The following PCNX2 variants were observed in gnomAD, a reference collection of about 807,000 sequenced individuals.
PCNX2 encodes the protein pecanex 2, also known as pecanex-like protein 2.
A neutral mutation model predicts 223.8 loss-of-function variants in PCNX2; 168 were observed. That is an observed-to-expected ratio of 0.75 (90% CI 0.66 to 0.85). The LOEUF (loss-of-function observed/expected upper bound fraction) is 0.85. Among genes scored for constraint, PCNX2 ranks in the 40% least tolerant of loss-of-function variants. The probability of loss-of-function intolerance (pLI) is 0.00; values close to 1 mark genes in which losing one functional copy is unlikely to be tolerated. For synonymous variants in PCNX2, 1,006 were observed against 1,052.6 expected, an observed-to-expected ratio of 0.96 and a Z score of 0.86; for missense variants, 2,507 against 2,675.5, an observed-to-expected ratio of 0.94 and a Z score of 1.39.
intron 15 of PCNX2, among the ~76,000 whole-genome samples, chr1:233,195,956 T>A (rs985965050): frequency 1.3e-5 from 2 of 152,262 alleles, no homozygotes; most frequent in Admixed American, 6.5e-5. Context: ...ATATGACCTT[T>A]AATAGCAAAA....
chr1:233,214,116 C>G (rs1681984422), intron 12 of PCNX2, among the ~76,000 whole-genome samples: 2 of 150,992 alleles, frequency 1.3e-5, no homozygotes, highest in Non-Finnish European at 3.0e-5. Flanking sequence ...CATGAGCCAC[C>G]ATGCCTGGCC....
At chr1:233,305,800 C>T in the PCNX2 span, among the ~76,000 whole-genome samples, 1 of 152,004 alleles carries the variant, frequency 6.6e-6, no homozygotes, top group East Asian at 1.9e-4. Context: ...CAAGAATGAA[C>T]TAGAAAATAT....
chr1:233,036,084 CAAG>C (rs1184277249), intron 25 of PCNX2, among the ~76,000 whole-genome samples: 2 of 152,128 alleles, frequency 1.3e-5, no homozygotes, highest in African/African-American at 4.8e-5. Flanking sequence ...TTGTCATTTT[CAAG>C]AAGGTCACAG....
chr1:233,295,638 C>T lies in PCNX2; in HGVS notation c.-160G>A, dbSNP rs1281804972. 6 of 785,796 alleles carry T rather than the reference C, an allele frequency of 7.6e-6. No individual in the cohort carries two copies. The East Asian group carries it at 1.5e-4, about 19-fold the overall frequency. The allele number at this position is 785,796 out of a possible 1,614,324, so 48.7% of individuals were successfully genotyped here. A position where few individuals can be genotyped will look rare whatever the true frequency, so the allele number is the denominator to read the frequency against. ...GCCTCCTTCCACCCCACGTTTGAAG[C>T]TGGAGCTGCTCTTCCGCCCGGACCC... On this transcript the variant is annotated 5_prime_UTR_variant, in exon 1 of 34. Transcript: ENST00000258229. This position sits in a 1 kb window ranked among gnomAD's most constrained non-coding sequence, Gnocchi z 4.1.
intron 1 of PCNX2, among the ~76,000 whole-genome samples, chr1:233,267,094 G>A (rs567574906): frequency 5.2e-4 from 79 of 152,048 alleles, no homozygotes; most frequent in African/African-American, 1.8e-3. Flanking sequence ...CAAGGTGGGC[G>A]GATCACCTAA....
At chr1:233,251,591 G>T (rs1301318267) in intron 7 of PCNX2, among the ~76,000 whole-genome samples, 1 of 152,146 alleles carries the variant, frequency 6.6e-6, no homozygotes, top group African/African-American at 2.4e-5. Context: ...CCCTGTGGAG[G>T]CTTTCATGTA....
chr1:233,057,648 T>G (rs67834438), intron 23 of PCNX2: 31,772 of 182,982 alleles, frequency 0.17, 3,006 homozygotes, highest in African/African-American at 0.25. Context: ...GGCAGGCAGA[T>G]CATTTGAAGT....
intron 23 of PCNX2, among the ~76,000 whole-genome samples, chr1:233,066,462 C>T (rs746828368): frequency 2.4e-4 from 37 of 152,214 alleles, no homozygotes; most frequent in Non-Finnish European, 4.0e-4. Flanking sequence ...CCTCATCCAG[C>T]GAGGGCACTT....
intron 12 of PCNX2, among the ~76,000 whole-genome samples, chr1:233,213,498 G>C (rs1252318573): frequency 6.6e-6 from 1 of 152,040 alleles, no homozygotes; most frequent in Non-Finnish European, 1.5e-5. Flanking sequence ...ACTGGGAATG[G>C]GGTATACAGA....
chr1:233,210,082 T>C (rs1458999767), intron 12 of PCNX2, among the ~76,000 whole-genome samples: 1 of 152,230 alleles, frequency 6.6e-6, no homozygotes, highest in Non-Finnish European at 1.5e-5. Flanking sequence ...AAGTCTGAGA[T>C]AGTATTTTGA....
chr1:232,989,385 C>T (rs1402103541), intron 32 of PCNX2, among the ~76,000 whole-genome samples: 15 of 151,662 alleles, frequency 9.9e-5, no homozygotes, highest in African/African-American at 1.9e-4. Context: ...ACCCAGGAGG[C>T]GGAGCTTGCA....
At chr1:233,292,676 C>A (rs188292303) in intron 1 of PCNX2, among the ~76,000 whole-genome samples, 20 of 152,294 alleles carry the variant, frequency 1.3e-4, no homozygotes, top group Middle Eastern at 6.8e-3. Context: ...ACAGGCAACA[C>A]TGAAGTGCAG....
chr1:233,293,931 T>C (rs1297747837), intron 1 of PCNX2: 8 of 979,310 alleles, frequency 8.2e-6, no homozygotes, highest in Non-Finnish European at 9.7e-6. Flanking sequence ...CTGGGGCCCA[T>C]AGGCTAAGGA....
At chr1:233,033,307 G>T (rs1671334055) in intron 25 of PCNX2, 27 of 627,126 alleles carry the variant, frequency 4.3e-5, no homozygotes, top group Non-Finnish European at 5.4e-5. Flanking sequence ...AGCAAATGAA[G>T]AAATTTAAGT....
intron 24 of PCNX2, among the ~76,000 whole-genome samples, chr1:233,055,406 G>A (rs755538042): frequency 3.3e-5 from 5 of 152,192 alleles, no homozygotes; most frequent in African/African-American, 4.8e-5. Context: ...TTGCTTCCCG[G>A]TGGACAGCCA....
At chr1:233,149,618 T>C (rs1056673466) in intron 19 of PCNX2, among the ~76,000 whole-genome samples, 5 of 152,208 alleles carry the variant, frequency 3.3e-5, no homozygotes, top group Non-Finnish European at 7.3e-5. Flanking sequence ...TCTGTCTTCC[T>C]GGGTCAAATC....
intron 21 of PCNX2, among the ~76,000 whole-genome samples, chr1:233,127,364 G>A (rs550058667): frequency 4.8e-4 from 73 of 152,086 alleles, no homozygotes; most frequent in African/African-American, 1.7e-3. Flanking sequence ...TTGCTTCTGT[G>A]CCTTTACACA....
intron 10 of PCNX2, among the ~76,000 whole-genome samples, chr1:233,224,513 T>G (rs963824094): frequency 5.8e-4 from 88 of 152,228 alleles, no homozygotes; most frequent in African/African-American, 1.8e-3. Context: ...CCCACTGCTT[T>G]CTTCCGCTTC....
intron 14 of PCNX2, among the ~76,000 whole-genome samples, chr1:233,199,292 T>C (rs1321476946): frequency 6.6e-6 from 1 of 152,114 alleles, no homozygotes; most frequent in Non-Finnish European, 1.5e-5. Flanking sequence ...TGTGTCAGAA[T>C]GAAGGTAGGG....
Sources: gnomAD v4.1 joint callset for allele counts (sites outside exome capture counted in the v4.1 genomes callset) on GRCh38, gnomAD v4.1.1 for gene constraint, Gnocchi (gnomAD v3.1) non-coding constraint, MANE v1.5 for transcripts, NCBI Gene and HGNC (gene_info 2026-07-23, HGNC 2026-07-21) for gene names.